DCC: variants seen among roughly 807,000 people sequenced by gnomAD.
DCC encodes the protein DCC netrin 1 receptor.
Under a neutral mutation model 172.5 loss-of-function variants are expected in DCC, and 58 were observed. The ratio of observed to expected loss-of-function variants is 0.34; its 90% confidence interval spans 0.27 to 0.42. The LOEUF (loss-of-function observed/expected upper bound fraction) is 0.42, where lower values mean the gene tolerates loss of function less well. Among genes scored for constraint, DCC ranks in the 10% least tolerant of loss-of-function variants. The pLI, the probability that DCC is intolerant of heterozygous loss-of-function variation, is 1.00. For synonymous variants in DCC, 709 were observed against 644.5 expected, an observed-to-expected ratio of 1.10 and a Z score of -1.52; for missense variants, 1,740 against 1,791.0, an observed-to-expected ratio of 0.97 and a Z score of 0.51.
At chr18:53,002,093 A>G (rs918304791) in intron 5 of DCC, among the ~76,000 whole-genome samples, 5 of 152,142 alleles carry the variant, frequency 3.3e-5, no homozygotes, top group Non-Finnish European at 7.4e-5. Flanking sequence ...AAGTAATGAC[A>G]CTAATATTGT....
chr18:53,253,297 C>A (rs1598949626), intron 12 of DCC, among the ~76,000 whole-genome samples: 1 of 151,932 alleles, frequency 6.6e-6, no homozygotes, highest in Non-Finnish European at 1.5e-5. Context: ...TTATGCCAAC[C>A]ATGATTTTAA....
intron 13 of DCC, among the ~76,000 whole-genome samples, chr18:53,311,214 C>T (rs939771700): frequency 5.9e-5 from 9 of 151,932 alleles, no homozygotes; most frequent in African/African-American, 1.2e-4. Flanking sequence ...CTCTGCCTCC[C>T]GGGTTCAAGT....
intron 15 of DCC, among the ~76,000 whole-genome samples, chr18:53,352,941 A>G (rs1332436502): frequency 6.6e-6 from 1 of 152,150 alleles, no homozygotes; most frequent in African/African-American, 2.4e-5. Context: ...TAAAATTTAT[A>G]TTATATATCT....
intron 1 of DCC, among the ~76,000 whole-genome samples, chr18:52,570,936 A>G (rs1183362334): frequency 6.6e-6 from 1 of 152,148 alleles, no homozygotes; most frequent in Non-Finnish European, 1.5e-5. Context: ...TGGCTGTGTC[A>G]TGCTAAGAGG....
chr18:52,729,426 A>T (rs192827352), intron 1 of DCC, among the ~76,000 whole-genome samples: 1 of 151,924 alleles, frequency 6.6e-6, no homozygotes, highest in Non-Finnish European at 1.5e-5. Flanking sequence ...CACCTGCCTA[A>T]TATTTGTATT....
At chr18:52,677,502 T>G (rs1171678104) in intron 1 of DCC, among the ~76,000 whole-genome samples, 3 of 151,882 alleles carry the variant, frequency 2.0e-5, no homozygotes, top group African/African-American at 7.3e-5. Flanking sequence ...TATTTTTTAT[T>G]ATTATTGTTT....
chr18:52,357,365 A>G (rs1294186037), intron 1 of DCC, among the ~76,000 whole-genome samples: 2 of 152,144 alleles, frequency 1.3e-5, no homozygotes, highest in Non-Finnish European at 2.9e-5. Context: ...AAGATAGAGT[A>G]TGTCAAAGGG....
At chr18:52,473,737 T>C (rs1175848826) in intron 1 of DCC, among the ~76,000 whole-genome samples, 5 of 152,118 alleles carry the variant, frequency 3.3e-5, no homozygotes, top group African/African-American at 1.2e-4. Flanking sequence ...ACTTGGGGAT[T>C]ATGGGAACTA....
chr18:52,528,294 A>G (rs1201699361), intron 1 of DCC, among the ~76,000 whole-genome samples: 4 of 152,206 alleles, frequency 2.6e-5, no homozygotes, highest in Non-Finnish European at 5.9e-5. Flanking sequence ...ATGTGCATAT[A>G]TATATTCCAA....
intron 13 of DCC, among the ~76,000 whole-genome samples, chr18:53,313,036 G>A (rs928211340): frequency 1.4e-5 from 2 of 142,450 alleles, no homozygotes; most frequent in African/African-American, 5.2e-5. Context: ...GAAGAAGGAG[G>A]AAAGGGAAGA....
At chr18:52,391,862 A>C (rs1986041991) in intron 1 of DCC, among the ~76,000 whole-genome samples, 1 of 152,108 alleles carries the variant, frequency 6.6e-6, no homozygotes, top group Non-Finnish European at 1.5e-5. Context: ...TTTTCTACCA[A>C]ATCTTTGGAA....
At chr18:52,779,078 T>G (rs1297672078) in intron 2 of DCC, among the ~76,000 whole-genome samples, 1 of 152,224 alleles carries the variant, frequency 6.6e-6, no homozygotes. Flanking sequence ...CTGAGATAAG[T>G]TGATGTTCTT....
chr18:52,723,549 G>A (rs1043353027), intron 1 of DCC, among the ~76,000 whole-genome samples: 5 of 152,238 alleles, frequency 3.3e-5, no homozygotes, highest in East Asian at 1.9e-4. Flanking sequence ...AAAGGGACAC[G>A]AACACCATAT....
At chr18:53,204,576 A>G (rs1177015886) in intron 9 of DCC, among the ~76,000 whole-genome samples, 1 of 151,996 alleles carries the variant, frequency 6.6e-6, no homozygotes, top group Non-Finnish European at 1.5e-5. Context: ...TGTTTTAGGT[A>G]AACGATTGTG....
intron 12 of DCC, among the ~76,000 whole-genome samples, chr18:53,253,857 G>C (rs2056472540): frequency 1.3e-5 from 2 of 152,066 alleles, no homozygotes; most frequent in South Asian, 4.2e-4. Flanking sequence ...TCCACTCCCA[G>C]CCATGCATGC....
chr18:53,055,085 A>T (rs2042385896), intron 5 of DCC, among the ~76,000 whole-genome samples: 1 of 152,082 alleles, frequency 6.6e-6, no homozygotes, highest in African/African-American at 2.4e-5. Flanking sequence ...GCCGTTGAGG[A>T]CTGAACTACA....
At chr18:53,427,668 T>A (rs1911066615) in intron 21 of DCC, among the ~76,000 whole-genome samples, 1 of 150,692 alleles carries the variant, frequency 6.6e-6, no homozygotes, top group Non-Finnish European at 1.5e-5. Flanking sequence ...TAACAAAAGA[T>A]CTTGATCTGT....
At chr18:53,335,457 C>T (rs191749624) in intron 14 of DCC, among the ~76,000 whole-genome samples, 10 of 152,174 alleles carry the variant, frequency 6.6e-5, no homozygotes, top group Admixed American at 2.0e-4. Flanking sequence ...AATACATGAC[C>T]GAGTATGCTG....
chr18:53,054,080 TA>T, intron 5 of DCC, among the ~76,000 whole-genome samples: 1 of 152,260 alleles, frequency 6.6e-6, no homozygotes. Context: ...TATAATGTTG[TA>T]ATATTTGCAT....
Sources: allele counts gnomAD v4.1 joint callset (sites outside exome capture counted in the v4.1 genomes callset), GRCh38; gene constraint gnomAD v4.1.1; transcripts MANE v1.5; gene names NCBI Gene and HGNC (gene_info 2026-07-23, HGNC 2026-07-21).